VEPH1: variants seen among roughly 807,000 people sequenced by gnomAD.
VEPH1 encodes the protein ventricular zone-expressed PH domain-containing protein homolog 1.
In VEPH1, 80 loss-of-function variants were observed where a neutral mutation model predicts 85.2. The ratio of observed to expected loss-of-function variants is 0.94; its 90% CI spans 0.78 to 1.13. The LOEUF (loss-of-function observed/expected upper bound fraction) is 1.13. Ranked by LOEUF, VEPH1 falls within the 50% of genes most tolerant of loss-of-function variation. The pLI is 0.00. For missense variants in VEPH1, 955 were observed against 980.5 expected (o/e 0.97, Z 0.35); for synonymous variants, 297 against 348.0 (o/e 0.85, Z 1.63).
At chr3:157,290,071 C>T (rs1342102927) in intron 11 of VEPH1, among the ~76,000 whole-genome samples, 4 of 137,990 alleles carry the variant, frequency 2.9e-5, no homozygotes, top group African/African-American at 5.1e-5. Context: ...CACACACACA[C>T]ACACACACAA....
At chr3:157,345,937 C>A (rs1398236640) in intron 9 of VEPH1, among the ~76,000 whole-genome samples, 5 of 151,944 alleles carry the variant, frequency 3.3e-5, no homozygotes, top group Non-Finnish European at 5.9e-5. Flanking sequence ...GGACAAAAAA[C>A]CAAACACTGC....
At chr3:157,405,777 C>A (rs1171145078) in intron 6 of VEPH1, among the ~76,000 whole-genome samples, 3 of 152,178 alleles carry the variant, frequency 2.0e-5, no homozygotes, top group Admixed American at 6.5e-5. Context: ...GTTCAAAATT[C>A]AGTAACAGCA....
chr3:157,368,523 G>A (rs1049916316), intron 7 of VEPH1, among the ~76,000 whole-genome samples: 6 of 151,546 alleles, frequency 4.0e-5, no homozygotes, highest in Non-Finnish European at 7.4e-5. Context: ...ACTGAGTCAC[G>A]CTCTGTCGCC....
chr3:157,403,786 T>G (rs1577575474), intron 6 of VEPH1, among the ~76,000 whole-genome samples: 1 of 152,258 alleles, frequency 6.6e-6, no homozygotes, highest in East Asian at 1.9e-4. Flanking sequence ...GGTATAGCTG[T>G]GTGTGTGTCT....
chr3:157,441,724 C>T lies in VEPH1; in HGVS notation c.530-13236G>A, dbSNP rs549850350. On this transcript the variant is annotated intron_variant, in intron 4 of 13. Coordinates refer to ENST00000362010, the MANE Select transcript of VEPH1 (RefSeq NM_001167912.2). ...ACTCCGGAAGCTGAGGCAGGAGAATCGCTTGAACCTGGGAAGCGAAGGTTG... is the reference window on the plus strand; with the variant it reads ...ACTCCGGAAGCTGAGGCAGGAGAATTGCTTGAACCTGGGAAGCGAAGGTTG... Among the ~76,000 whole-genome samples, 82 of 151,794 alleles carry T rather than the reference C, an allele frequency of 5.4e-4. 1 individual carries two copies. The South Asian group carries it at 0.016, about 30-fold the overall frequency.
chr3:157,478,780 C>A (rs879328185), intron 2 of VEPH1, among the ~76,000 whole-genome samples: 2 of 152,076 alleles, frequency 1.3e-5, no homozygotes, highest in Non-Finnish European at 1.5e-5. Context: ...ATAACTGCAG[C>A]GAATATAGTA....
chr3:157,359,954 T>C (rs1299961193), intron 9 of VEPH1, among the ~76,000 whole-genome samples: 1 of 152,210 alleles, frequency 6.6e-6, no homozygotes, highest in Non-Finnish European at 1.5e-5. Context: ...CCCTTTAACT[T>C]TAAATGTTTC....
At chr3:157,291,476 T>G (rs1234961434) in intron 11 of VEPH1, among the ~76,000 whole-genome samples, 2 of 152,210 alleles carry the variant, frequency 1.3e-5, no homozygotes, top group Non-Finnish European at 2.9e-5. Flanking sequence ...GTGAAAAATA[T>G]TACTATTGGA....
At chr3:157,274,784 G>A (rs144069887) in intron 12 of VEPH1, among the ~76,000 whole-genome samples, 1 of 152,160 alleles carries the variant, frequency 6.6e-6, no homozygotes, top group Non-Finnish European at 1.5e-5. Context: ...ATAAGCATGA[G>A]CCACTGCACC....
intron 2 of VEPH1, among the ~76,000 whole-genome samples, chr3:157,482,039 T>C (rs1738150916): frequency 6.6e-6 from 1 of 152,226 alleles, no homozygotes; most frequent in African/African-American, 2.4e-5. Context: ...TGTGTCTGTT[T>C]TTATACCAGT....
intron 3 of VEPH1, among the ~76,000 whole-genome samples, chr3:157,467,388 C>T (rs2109428531): frequency 6.6e-6 from 1 of 151,620 alleles, no homozygotes; most frequent in Admixed American, 6.6e-5. Context: ...GAAAGTTGGC[C>T]TATTGTTTCA....
chr3:157,260,497 T>G lies in VEPH1; in HGVS notation c.*637A>C, dbSNP rs1167065605. ...CCAAGTATCTAAACTGTAGATTATA[T>G]TATATGAACTTAAATGGAATAATTA... On this transcript the variant is annotated 3_prime_UTR_variant, in exon 14 of 14. Coordinates refer to ENST00000362010, the MANE Select transcript of VEPH1 (RefSeq NM_001167912.2). 6.6e-6 allele frequency: 1 copy of G among 152,222 alleles called. No individual in the cohort carries two copies. Among genetic ancestry groups the G allele is most frequent in the African/African-American group, 2.4e-5 (1 of 41,468 alleles). The allele number at this position is 152,222 out of a possible 1,614,324, so 9.4% of individuals were successfully genotyped here.
At chr3:157,455,822 A>G (rs567418848) in intron 4 of VEPH1, among the ~76,000 whole-genome samples, 2 of 152,286 alleles carry the variant, frequency 1.3e-5, no homozygotes, top group East Asian at 1.9e-4. Context: ...TAGCCAGTCT[A>G]TGATTGATGG....
chr3:157,482,045 C>A (rs888361192), intron 2 of VEPH1, among the ~76,000 whole-genome samples: 2 of 152,058 alleles, frequency 1.3e-5, no homozygotes, highest in African/African-American at 2.4e-5. Context: ...TGTTTTTATA[C>A]CAGTACCATG....
intron 6 of VEPH1, among the ~76,000 whole-genome samples, chr3:157,397,465 A>G (rs56249701): frequency 0.59 from 89,065 of 152,018 alleles, 26,166 homozygotes; most frequent in Admixed American, 0.65. Context: ...AATTCTGTGA[A>G]GAATGTTAAT....
chr3:157,435,159 A>G (rs1373157620), intron 4 of VEPH1, among the ~76,000 whole-genome samples: 2 of 151,572 alleles, frequency 1.3e-5, no homozygotes, highest in East Asian at 3.9e-4. Flanking sequence ...TTCTTTTCTC[A>G]TATTTCCAAT....
At position 157,495,277 on chromosome 3, in the gene VEPH1, C is replaced by T. The variant is rs770340716; in HGVS notation, c.73G>A (p.Asp25Asn). The change falls in exon 2 of 14, where the codon GAC becomes AAC. Residue 25 changes from aspartate to asparagine, a missense_variant. By Grantham distance (23) the Asp-to-Asn change is conservative. Transcript: ENST00000362010. ...SRAGDLFSLD[D>N]SEIEDSLTEA... The stretch of plus-strand genomic sequence containing the variant: ...GTAAGGCTGTCTTCAATCTCAGAGT[C>T]ATCTAAGGAGAAGAGGTCCCCAGCT... 1 of 1,614,042 alleles carries T rather than the reference C, an allele frequency of 6.2e-7. No individual in the cohort carries two copies. Among genetic ancestry groups the T allele is most frequent in the East Asian group, 2.2e-5 (1 of 44,872 alleles).
chr3:157,292,791 A>G (rs1028259039), intron 11 of VEPH1, among the ~76,000 whole-genome samples: 2 of 138,712 alleles, frequency 1.4e-5, no homozygotes, highest in African/African-American at 5.5e-5. Flanking sequence ...AGACCAGATG[A>G]TGAAACCCCC....
intron 9 of VEPH1, among the ~76,000 whole-genome samples, chr3:157,353,854 C>T (rs190509380): frequency 6.6e-5 from 10 of 152,172 alleles, no homozygotes; most frequent in East Asian, 5.8e-4. Context: ...ACTGGTGTTT[C>T]GCAAGTCCCT....
Sources: gnomAD v4.1 joint callset for allele counts (sites outside exome capture counted in the v4.1 genomes callset) on GRCh38, gnomAD v4.1.1 for gene constraint, MANE v1.5 for transcripts, NCBI Gene and HGNC (gene_info 2026-07-23, HGNC 2026-07-21) for gene names.